Variants in RBM5 observed in about 807,000 individuals in gnomAD.
The protein encoded by RBM5 is RNA-binding protein 5.
Under a neutral mutation model 124.6 loss-of-function variants are expected in RBM5, and 15 were observed. The ratio of observed to expected loss-of-function variants is 0.12; its 90% confidence interval spans 0.08 to 0.19. The LOEUF (loss-of-function observed/expected upper bound fraction) is 0.19. Among genes scored for constraint, RBM5 ranks in the 10% least tolerant of loss-of-function variants. RBM5 has a pLI of 1.00. For missense variants in RBM5, 580 were observed against 1,026.5 expected (o/e 0.57, Z 5.94); for synonymous variants, 337 against 361.2 (o/e 0.93, Z 0.76).
rs900839049 is a variant in RBM5 at position 50,117,645 on chromosome 3, G to A, written c.2322+266G>A. 9 of 313,898 alleles carry A rather than the reference G, an allele frequency of 2.9e-5. No individual in the cohort carries two copies. Among genetic ancestry groups the A allele is most frequent in the African/African-American group, 1.7e-4 (8 of 47,490 alleles). The allele number at this position is 313,898 out of a possible 1,614,324, so 19.4% of individuals were successfully genotyped here. A position where few individuals can be genotyped will look rare whatever the true frequency, so the allele number is the denominator to read the frequency against. On this transcript the variant is annotated intron_variant, in intron 24 of 24. Transcript: ENST00000347869. The surrounding 1 kb of genome is among the most constrained non-coding windows in gnomAD (Gnocchi z 4.2). The stretch of plus-strand genomic sequence containing the variant: ...AAATACAAAATATTAACTGGACGTG[G>A]CAGCGTGTGCCTGTAATCCCAGCTA...
rs2091041802 is a variant in RBM5 at position 50,106,791 on chromosome 3, T to C, written c.880T>C (p.Leu294=). 1.9e-6 allele frequency: 3 copies of C among 1,612,338 alleles called. No individual in the cohort carries two copies. The highest frequency in any genetic ancestry group is 2.5e-6 in the Non-Finnish European group (3 of 1,178,372). Residue 294 remains leucine, a synonymous_variant, in exon 11 of 25, where the codon TTA becomes CTA. Transcript: ENST00000347869. ...GGATGCTTCTCAGCTGCTTCAGATA[T>C]TACAGAGTCTCCATCCTCCTTTGAA... ...AMDASQLLQI[L]QSLHPPLKID...
chr3:50,099,899 T>G, intron 4 of RBM5, 83 bp from the exon 5 acceptor site: 1 of 1,265,838 alleles, frequency 7.9e-7, no homozygotes, highest in Non-Finnish European at 1.1e-6. Flanking sequence ...CTTGGCTAAT[T>G]AAACAGTTGA....
chr3:50,105,338 A>T (rs1370940386), intron 9 of RBM5, among the ~76,000 whole-genome samples, 196 bp downstream of exon 9: 1 of 152,102 alleles, frequency 6.6e-6, no homozygotes, highest in African/African-American at 2.4e-5. Flanking sequence ...TCAGTTGGAA[A>T]TTTCTGTTCT....
chr3:50,104,972 G>A lies in RBM5; in HGVS notation c.629-105G>A, dbSNP rs141146486. 15 of 872,716 alleles carry A rather than the reference G, an allele frequency of 1.7e-5. No individual in the cohort carries two copies. In the South Asian group the frequency reaches 1.8e-4, roughly 10 times the overall value. 54.1% of individuals were successfully genotyped at this position (872,716 alleles called of 1,614,324 possible). On this transcript the variant is annotated intron_variant, in intron 8 of 24. Transcript: ENST00000347869. ...ACAAATGCTTAAAAAAGAAAAAAAC[G>A]ATTGTTTTGTGTGGTTAAAATAAAA...
At chr3:50,094,815 A>G (rs193264488) in intron 4 of RBM5, among the ~76,000 whole-genome samples, 1 of 152,250 alleles carries the variant, frequency 6.6e-6, no homozygotes, top group East Asian at 1.9e-4. Flanking sequence ...AAATTTTTGG[A>G]TTAGGGTTGC....
intron 4 of RBM5, among the ~76,000 whole-genome samples, chr3:50,098,266 ATTTTTATT>A (rs60501179): frequency 0.5 from 74,720 of 150,630 alleles, 19,638 homozygotes; most frequent in East Asian, 0.86. Context: ...CTGAGTCCTT[ATTTTTATT>A]TTTTTATTTT....
intron 1 of RBM5, chr3:50,089,770 C>A (rs1379421899): frequency 6.6e-6 from 1 of 152,416 alleles, no homozygotes; most frequent in East Asian, 1.9e-4. Flanking sequence ...GGCGGGGGGC[C>A]GGGCTGTTCA....
At chr3:50,104,988 T>A (rs1233010963) in intron 8 of RBM5, 89 bp from the exon 9 acceptor site, 1 of 1,043,786 alleles carries the variant, frequency 9.6e-7, no homozygotes, top group African/African-American at 1.6e-5. Flanking sequence ...TTTGTGTGGT[T>A]AAAATAAAAA....
At chr3:50,093,310 G>T (rs1199322623) in intron 3 of RBM5, among the ~76,000 whole-genome samples, 1 of 151,598 alleles carries the variant, frequency 6.6e-6, no homozygotes, top group Non-Finnish European at 1.5e-5. Context: ...GTGGTGGCAA[G>T]TGCCTATAGT....
Position 50,104,486 on chromosome 3 carries a change from A to G in RBM5, c.628+178A>G, listed in dbSNP as rs542689942. 2.4e-5 allele frequency: 14 copies of G among 594,014 alleles called. No individual in the cohort carries two copies. In the South Asian group the frequency reaches 2.6e-4, roughly 11 times the overall value. The allele number at this position is 594,014 out of a possible 1,614,324, so 36.8% of individuals were successfully genotyped here. ...AGACCCTGCCTGTACAAAAAAAGAAATTTTAAATTATCTGGGTGTGGTGGC... is the reference window on the plus strand; with the variant it reads ...AGACCCTGCCTGTACAAAAAAAGAAGTTTTAAATTATCTGGGTGTGGTGGC... On this transcript the variant is annotated intron_variant, in intron 8 of 24. Coordinates refer to ENST00000347869, the MANE Select transcript of RBM5 (RefSeq NM_005778.4).
chr3:50,113,249 G>A, intron 17 of RBM5, 134 bp from the exon 18 acceptor site: 1 of 799,448 alleles, frequency 1.3e-6, no homozygotes, highest in South Asian at 2.1e-5. Flanking sequence ...TTATACCAAG[G>A]TGTGCCCAGG....
rs1398025428 is a variant in RBM5 at position 50,105,106 on chromosome 3, A to G, written c.658A>G (p.Thr220Ala). The part of the protein sequence containing the change: ...DSEQEVPPGT[T>A]ESVQSVDYYC... ...TGAACAGGAAGTGCCTCCTGGAACC[A>G]CAGAGTCGGTTCAGTCTGTGGATTA... Residue 220 changes from threonine to alanine, a missense_variant, in exon 9 of 25, where the codon ACA becomes GCA. Thr to Ala is a moderately conservative substitution (Grantham distance 58). This residue lies in a region of RBM5 where 101 missense variants were observed against 223.2 expected (regional missense o/e 0.45). Transcript: ENST00000347869. 1.9e-6 allele frequency: 3 copies of G among 1,597,800 alleles called. No homozygotes were observed. Among genetic ancestry groups the G allele is most frequent in the Non-Finnish European group, 2.6e-6 (3 of 1,165,506 alleles).
intron 4 of RBM5, among the ~76,000 whole-genome samples, chr3:50,095,807 A>G (rs2090801783): frequency 6.6e-6 from 1 of 151,982 alleles, no homozygotes; most frequent in Non-Finnish European, 1.5e-5. Flanking sequence ...TGTGTCCCCA[A>G]CCCTTGAACA....
intron 22 of RBM5, chr3:50,116,749 C>G (rs1014914827): frequency 2.8e-6 from 1 of 352,808 alleles, no homozygotes; most frequent in Non-Finnish European, 5.4e-6. Context: ...GGAGAACGGG[C>G]AACTCTGCCT....
intron 24 of RBM5, 80 bp from the exon 25 acceptor site, chr3:50,118,250 TG>T: frequency 1.3e-6 from 2 of 1,579,632 alleles, no homozygotes; most frequent in Non-Finnish European, 1.7e-6. Flanking sequence ...TGGGTGGTCC[TG>T]CTGGGTAAGG....
intron 4 of RBM5, among the ~76,000 whole-genome samples, chr3:50,097,654 A>G (rs961466092): frequency 3.9e-5 from 6 of 152,120 alleles, no homozygotes; most frequent in African/African-American, 1.4e-4. Flanking sequence ...GCCTTTTGGA[A>G]AAAGGAGTTG....
At chr3:50,107,943 C>T in intron 12 of RBM5, 127 bp from the exon 13 acceptor site, 1 of 805,656 alleles carries the variant, frequency 1.2e-6, no homozygotes, top group South Asian at 1.5e-5. Flanking sequence ...ACGTCAGCCT[C>T]CCAAAGTGCT....
At chr3:50,089,095 C>T (rs915825096) in intron 1 of RBM5, 66 bp downstream of exon 1, 1 of 152,342 alleles carries the variant, frequency 6.6e-6, no homozygotes, top group African/African-American at 2.4e-5. Context: ...CCAAGCCTCC[C>T]TTGTCAGCTG....
At chr3:50,097,965 C>T (rs1257861549) in intron 4 of RBM5, among the ~76,000 whole-genome samples, 2 of 151,846 alleles carry the variant, frequency 1.3e-5, no homozygotes, top group Non-Finnish European at 2.9e-5. Context: ...CTGGGTGTGG[C>T]GACATGCGCC....
Sources: allele counts gnomAD v4.1 joint callset (sites outside exome capture counted in the v4.1 genomes callset), GRCh38; gene constraint gnomAD v4.1.1; regional missense constraint gnomAD v4.1.1; non-coding constraint Gnocchi (gnomAD v3.1); transcripts MANE v1.5; gene names NCBI Gene and HGNC (gene_info 2026-07-23, HGNC 2026-07-21).